NPAS3: variants seen among roughly 807,000 people sequenced by gnomAD.
NPAS3 encodes the protein neuronal PAS domain-containing protein 3.
A neutral mutation model predicts 73.1 loss-of-function variants in NPAS3; 14 were observed. The observed-to-expected ratio is 0.19, with a 90% confidence interval of 0.13 to 0.30. NPAS3 has a LOEUF of 0.30. NPAS3 is among the 10% of genes least tolerant of loss of function. NPAS3 has a pLI of 1.00. For missense variants in NPAS3, 1,096 were observed against 1,250.0 expected (o/e 0.88, Z 1.86); for synonymous variants, 620 against 541.5 (o/e 1.14, Z -2.01).
At position 33,385,764 on chromosome 14, in the gene NPAS3, T is replaced by C. The variant is rs146258809; in HGVS notation, c.468+18496T>C. ...GAAATCTTCTCTGGAGTTGCACATATGGGTCCTGCATCTGCTCGGGTTATG... is the reference window on the plus strand; with the variant it reads ...GAAATCTTCTCTGGAGTTGCACATACGGGTCCTGCATCTGCTCGGGTTATG... On this transcript the variant is annotated intron_variant, in intron 4 of 11. Transcript: ENST00000356141. Among the ~76,000 whole-genome samples the C allele has an allele frequency of 1.8e-4, 27 of 152,198 alleles. No individual in the cohort carries two copies. The East Asian group carries it at 5.2e-3, about 29-fold the overall frequency.
At chr14:33,635,747 G>GTCTT (rs1232026913) in intron 5 of NPAS3, among the ~76,000 whole-genome samples, 1 of 152,194 alleles carries the variant, frequency 6.6e-6, no homozygotes, top group African/African-American at 2.4e-5. Flanking sequence ...ACTTGTCGGG[G>GTCTT]TCTTTGGCTT....
At chr14:33,367,926 C>CT (rs559425871) in intron 4 of NPAS3, among the ~76,000 whole-genome samples, 243 of 152,006 alleles carry the variant, frequency 1.6e-3, no homozygotes, top group African/African-American at 5.7e-3. Context: ...TTATTCAAAA[C>CT]TTTTTTTTAC....
At chr14:33,756,818 G>C (rs938626771) in intron 7 of NPAS3, among the ~76,000 whole-genome samples, 1 of 152,216 alleles carries the variant, frequency 6.6e-6, no homozygotes, top group Non-Finnish European at 1.5e-5. Context: ...CAGAGAGTCA[G>C]AGACAAAGGC....
intron 3 of NPAS3, among the ~76,000 whole-genome samples, chr14:33,362,921 G>A (rs1353555043): frequency 1.3e-5 from 2 of 152,124 alleles, no homozygotes; most frequent in Non-Finnish European, 2.9e-5. Flanking sequence ...TTCTTCAAGT[G>A]ATCCCTCCAA....
chr14:33,708,971 G>A (rs945022903), intron 6 of NPAS3, among the ~76,000 whole-genome samples: 4 of 152,146 alleles, frequency 2.6e-5, no homozygotes, highest in African/African-American at 9.7e-5. Context: ...TGCAAAGTAA[G>A]GACAAGAAAA....
chr14:33,748,158 CAT>C (rs2061859218), intron 7 of NPAS3, among the ~76,000 whole-genome samples: 1 of 152,112 alleles, frequency 6.6e-6, no homozygotes, highest in Non-Finnish European at 1.5e-5. Context: ...TAAGCCAGAA[CAT>C]ATTTCTTCCT....
chr14:32,938,457 AAG>A (rs139406191), upstream of NPAS3, among the ~76,000 whole-genome samples: 205 of 68,522 alleles, frequency 3.0e-3, 1 homozygote, highest in East Asian at 0.021. Flanking sequence ...CCCAACGAGA[AAG>A]AGAGAGAGAG....
At chr14:33,018,477 G>A (rs909464491) in intron 1 of NPAS3, among the ~76,000 whole-genome samples, 6 of 152,140 alleles carry the variant, frequency 3.9e-5, no homozygotes, top group Non-Finnish European at 8.8e-5. Context: ...CAAGTTGGAT[G>A]GGGGTAAATG....
intron 2 of NPAS3, among the ~76,000 whole-genome samples, chr14:33,210,586 T>C (rs1303782669): frequency 2.0e-5 from 3 of 152,140 alleles, no homozygotes; most frequent in African/African-American, 7.2e-5. Context: ...GATCATCTTG[T>C]CTAGAAGTAC....
chr14:33,736,953 G>A (rs2061538727), intron 7 of NPAS3, among the ~76,000 whole-genome samples: 1 of 152,144 alleles, frequency 6.6e-6, no homozygotes, highest in Admixed American at 6.5e-5. Context: ...TAAGAACACG[G>A]CAATATGCTG....
intron 5 of NPAS3, among the ~76,000 whole-genome samples, chr14:33,603,957 A>G (rs1393462951): frequency 6.6e-6 from 1 of 152,106 alleles, no homozygotes; most frequent in Non-Finnish European, 1.5e-5. Context: ...GTATGCTATC[A>G]CTTGAAGGCA....
At chr14:33,016,713 C>G (rs2039409944) in intron 1 of NPAS3, among the ~76,000 whole-genome samples, 1 of 150,988 alleles carries the variant, frequency 6.6e-6, no homozygotes, top group East Asian at 1.9e-4. Context: ...GTTCATTTCT[C>G]TTTTATAAAA....
At chr14:33,436,053 T>G (rs2048976089) in intron 4 of NPAS3, among the ~76,000 whole-genome samples, 1 of 152,218 alleles carries the variant, frequency 6.6e-6, no homozygotes, top group South Asian at 2.1e-4. Flanking sequence ...GGCACATTTC[T>G]AAGAACCAAA....
chr14:33,439,816 T>A (rs2049156615), intron 4 of NPAS3, among the ~76,000 whole-genome samples: 1 of 151,942 alleles, frequency 6.6e-6, no homozygotes, highest in African/African-American at 2.4e-5. Context: ...GGAAGGAAGA[T>A]AAAAAATGGA....
intron 3 of NPAS3, among the ~76,000 whole-genome samples, chr14:33,254,165 A>G (rs1390284242): frequency 6.6e-6 from 1 of 151,784 alleles, no homozygotes; most frequent in Non-Finnish European, 1.5e-5. Flanking sequence ...CCCATCCTCA[A>G]TTCCAATTTT....
At chr14:33,435,034 G>C (rs1245105396) in intron 4 of NPAS3, among the ~76,000 whole-genome samples, 1 of 152,172 alleles carries the variant, frequency 6.6e-6, no homozygotes, top group Non-Finnish European at 1.5e-5. Context: ...CTGCAGATTG[G>C]AGATGTTTAA....
chr14:33,746,851 G>A (rs1352933216), intron 7 of NPAS3, among the ~76,000 whole-genome samples: 14 of 151,602 alleles, frequency 9.2e-5, no homozygotes, highest in African/African-American at 1.2e-4. Flanking sequence ...CCACTAACTC[G>A]TCATCTAGCA....
intron 4 of NPAS3, among the ~76,000 whole-genome samples, chr14:33,415,867 A>G (rs989585936): frequency 6.6e-6 from 1 of 152,004 alleles, no homozygotes; most frequent in Non-Finnish European, 1.5e-5. Flanking sequence ...CTCGATTAAT[A>G]TTATCTCCTT....
At position 33,509,949 on chromosome 14, in the gene NPAS3, A is replaced by T. The variant is rs73265100; in HGVS notation, c.469-50172A>T. 1.2e-3 allele frequency among the ~76,000 whole-genome samples: 190 copies of T among 152,096 alleles called. 1 individual carries two copies. The highest frequency in any genetic ancestry group is 4.3e-3 in the African/African-American group (180 of 41,526). The stretch of plus-strand genomic sequence containing the variant: ...TTTTTAAACGGGGAACCTAGCATCA[A>T]ATCTAAAGTCTACCCTCCAAAGCTT... On this transcript the variant is annotated intron_variant, in intron 4 of 11. Coordinates refer to ENST00000356141, the Ensembl canonical transcript of NPAS3.
Sources: gnomAD v4.1 joint callset for allele counts (sites outside exome capture counted in the v4.1 genomes callset) on GRCh38, gnomAD v4.1.1 for gene constraint, MANE v1.5 for transcripts, NCBI Gene and HGNC (gene_info 2026-07-23, HGNC 2026-07-21) for gene names.